The following CFAP61 variants were observed in gnomAD, a reference collection of about 807,000 sequenced individuals.
The protein encoded by CFAP61 is cilia- and flagella-associated protein 61.
CFAP61 carries 107 observed loss-of-function variants against 135.6 expected under a neutral mutation model. The ratio of observed to expected loss-of-function variants is 0.79; its 90% CI spans 0.67 to 0.93. The LOEUF (loss-of-function observed/expected upper bound fraction) is 0.93, where lower values mean the gene tolerates loss of function less well. Among genes scored for constraint, CFAP61 ranks in the 40% least tolerant of loss-of-function variants. The pLI is 0.00. For missense variants in CFAP61, 1,507 were observed against 1,556.2 expected, an observed-to-expected ratio of 0.97 and a Z score of 0.53; for synonymous variants, 575 against 578.5, an observed-to-expected ratio of 0.99 and a Z score of 0.09.
chr20:20,197,528 AAC>A (rs145850922), intron 16 of CFAP61, among the ~76,000 whole-genome samples: 224 of 151,380 alleles, frequency 1.5e-3, no homozygotes, highest in Admixed American at 3.4e-3. Flanking sequence ...AAGAGTCACA[AAC>A]ACACACACAC....
At chr20:20,177,043 T>C (rs568403713) in intron 13 of CFAP61, among the ~76,000 whole-genome samples, 1 of 152,282 alleles carries the variant, frequency 6.6e-6, no homozygotes, top group South Asian at 2.1e-4. Flanking sequence ...TTTAAACCTT[T>C]TATGATCTAG....
chr20:20,171,312 G>T lies in CFAP61; in HGVS notation c.1385+1852G>T, dbSNP rs115415630. ...AGCACGTGGTCTAAGGAGAATACCA[G>T]CTTTTTCTCCATGAAGTTGTCCAGG... On this transcript the variant is annotated intron_variant, in intron 13 of 26. Coordinates refer to ENST00000245957, the MANE Select transcript of CFAP61 (RefSeq NM_015585.4). 3.9e-3 allele frequency among the ~76,000 whole-genome samples: 590 copies of T among 152,316 alleles called. 4 individuals carry two copies. Among genetic ancestry groups the T allele is most frequent in the African/African-American group, 0.014 (565 of 41,572 alleles).
intron 2 of CFAP61, among the ~76,000 whole-genome samples, chr20:20,070,494 C>T (rs1435074280): frequency 1.3e-5 from 2 of 152,080 alleles, no homozygotes; most frequent in South Asian, 2.1e-4. Flanking sequence ...ACTTGGCCAC[C>T]CTAACCATAG....
At chr20:20,205,960 G>A (rs2056839442) in intron 17 of CFAP61, among the ~76,000 whole-genome samples, 1 of 150,794 alleles carries the variant, frequency 6.6e-6, no homozygotes, top group African/African-American at 2.4e-5. Flanking sequence ...CCAAGTAAGT[G>A]CCCATCAGAT....
chr20:20,111,047 G>A (rs758582146), intron 8 of CFAP61, among the ~76,000 whole-genome samples: 6 of 152,144 alleles, frequency 3.9e-5, no homozygotes, highest in Non-Finnish European at 7.4e-5. Flanking sequence ...GAGGTAATGA[G>A]CAGGATTAGA....
Position 20,180,977 on chromosome 20 carries a change from G to A in CFAP61, c.1386-6953G>A, listed in dbSNP as rs146403946. On this transcript the variant is annotated intron_variant, in intron 13 of 26. Transcript: ENST00000245957. ...TTATGAGAACACATGGACACATAGA[G>A]GGGAAAAACAGACACTGGGGCAAAT... is the stretch of plus-strand genomic sequence containing the variant. Among the ~76,000 whole-genome samples, 110 of 152,024 alleles carry A rather than the reference G, an allele frequency of 7.2e-4. 1 individual carries two copies. The highest frequency in any genetic ancestry group is 2.5e-3 in the African/African-American group (104 of 41,456).
rs60597678 is a variant in CFAP61 at position 20,291,196 on chromosome 20, G to C, written c.3216+805G>C. Among the ~76,000 whole-genome samples, 9 of 152,074 alleles carry C rather than the reference G, an allele frequency of 5.9e-5. No homozygotes were observed. In the South Asian group the frequency reaches 6.2e-4, roughly 11 times the overall value. ...ACTAAAGCCCATAGTTGACATTAGCGTTCATTCTTGGTTGTGTACATTCTG... is the reference window on the plus strand; with the variant it reads ...ACTAAAGCCCATAGTTGACATTAGCCTTCATTCTTGGTTGTGTACATTCTG... On this transcript the variant is annotated intron_variant, in intron 24 of 26. Coordinates refer to ENST00000245957, the MANE Select transcript of CFAP61 (RefSeq NM_015585.4).
At chr20:20,187,518 G>A (rs548059681) in intron 13 of CFAP61, among the ~76,000 whole-genome samples, 1 of 152,260 alleles carries the variant, frequency 6.6e-6, no homozygotes, top group South Asian at 2.1e-4. Context: ...TGAGTGTGAG[G>A]CTCTAAAAAG....
chr20:20,198,435 G>A, intron 16 of CFAP61, among the ~76,000 whole-genome samples: 1 of 152,142 alleles, frequency 6.6e-6, no homozygotes, highest in Non-Finnish European at 1.5e-5. Flanking sequence ...ATGAAATTAG[G>A]AATATGTTCC....
intron 8 of CFAP61, among the ~76,000 whole-genome samples, chr20:20,114,996 C>A (rs984158294): frequency 6.6e-6 from 1 of 152,086 alleles, no homozygotes; most frequent in African/African-American, 2.4e-5. Flanking sequence ...TCATATGATT[C>A]TTCTCTATTC....
intron 8 of CFAP61, among the ~76,000 whole-genome samples, chr20:20,103,867 G>A (rs955206044): frequency 6.6e-6 from 1 of 152,170 alleles, no homozygotes; most frequent in African/African-American, 2.4e-5. Context: ...CATTTCCACA[G>A]CTGTACTGGC....
intron 8 of CFAP61, among the ~76,000 whole-genome samples, chr20:20,140,683 A>C (rs1292604699): frequency 1.3e-5 from 2 of 150,804 alleles, no homozygotes; most frequent in Non-Finnish European, 2.9e-5. Context: ...AGAACTAGAA[A>C]TACCATTTGA....
At chr20:20,355,690 C>T (rs1226017294) in intron 26 of CFAP61, among the ~76,000 whole-genome samples, 12 of 142,188 alleles carry the variant, frequency 8.4e-5, no homozygotes, top group Non-Finnish European at 1.7e-4. Context: ...GAGGTGGTCA[C>T]ACTGTGAGAG....
chr20:20,225,477 T>A (rs2048677699), intron 17 of CFAP61: 1 of 152,192 alleles, frequency 6.6e-6, no homozygotes, highest in Non-Finnish European at 1.5e-5. Flanking sequence ...AGGTGATGTG[T>A]GAGGCCCGGC....
At chr20:20,262,828 T>A in intron 20 of CFAP61, 128 bp from the exon 21 acceptor site, 2 of 417,902 alleles carry the variant, frequency 4.8e-6, no homozygotes, top group Non-Finnish European at 8.3e-6. Flanking sequence ...TCAATTAAAA[T>A]CTGATTGATT....
At chr20:20,217,585 G>A (rs149137962) in intron 17 of CFAP61, among the ~76,000 whole-genome samples, 226 of 152,318 alleles carry the variant, frequency 1.5e-3, no homozygotes, top group African/African-American at 5.2e-3. Flanking sequence ...CACTGCTATC[G>A]TTGTTCTAGC....
At chr20:20,114,780 G>A (rs1000512988) in intron 8 of CFAP61, among the ~76,000 whole-genome samples, 2 of 151,912 alleles carry the variant, frequency 1.3e-5, no homozygotes, top group African/African-American at 4.8e-5. Context: ...AATAGAAATG[G>A]CATTAACAGG....
intron 8 of CFAP61, among the ~76,000 whole-genome samples, chr20:20,138,921 A>G (rs965988065): frequency 1.3e-5 from 2 of 152,142 alleles, no homozygotes; most frequent in Non-Finnish European, 2.9e-5. Context: ...TTGCCCCAGT[A>G]ACTCTCTGTT....
intron 25 of CFAP61, among the ~76,000 whole-genome samples, chr20:20,328,466 A>G (rs1307793490): frequency 1.3e-5 from 2 of 152,220 alleles, no homozygotes; most frequent in African/African-American, 2.4e-5. Context: ...GCTCCTTGAC[A>G]TTGGCCTTGG....
Sources: gnomAD v4.1 joint callset for allele counts (sites outside exome capture counted in the v4.1 genomes callset) on GRCh38, gnomAD v4.1.1 for gene constraint, MANE v1.5 for transcripts, NCBI Gene and HGNC (gene_info 2026-07-23, HGNC 2026-07-21) for gene names.